Variants in CFAP61 observed in about 807,000 individuals in gnomAD.
The protein encoded by CFAP61 is cilia and flagella associated protein 61.
A neutral mutation model predicts 135.6 loss-of-function variants in CFAP61; 107 were observed. The observed-to-expected ratio is 0.79, with a 90% CI of 0.67 to 0.93. The LOEUF (loss-of-function observed/expected upper bound fraction) is 0.93. Among genes scored for constraint, CFAP61 ranks in the 40% least tolerant of loss-of-function variants. The probability of loss-of-function intolerance (pLI) is 0.00; values close to 1 mark genes in which losing one functional copy is unlikely to be tolerated. For synonymous variants in CFAP61, 575 were observed against 578.5 expected (o/e 0.99, Z 0.09); for missense variants, 1,507 against 1,556.2 (o/e 0.97, Z 0.53).
At chr20:20,155,419 G>T (rs2052813203) in intron 9 of CFAP61, among the ~76,000 whole-genome samples, 1 of 152,010 alleles carries the variant, frequency 6.6e-6, no homozygotes, top group Non-Finnish European at 1.5e-5. Flanking sequence ...TAAATAGATG[G>T]GACCTAATTA....
intron 8 of CFAP61, among the ~76,000 whole-genome samples, chr20:20,102,855 C>T (rs971605729): frequency 9.9e-5 from 15 of 152,126 alleles, no homozygotes; most frequent in Admixed American, 7.2e-4. Context: ...TCACACCAAC[C>T]TCAACCCTTT....
Position 20,111,635 on chromosome 20 carries a change from T to C in CFAP61, c.859+12821T>C, listed in dbSNP as rs184188003. The stretch of plus-strand genomic sequence containing the variant: ...CATTGAAACTATGCAAACAACTATA[T>C]TGCCATGAAAATGGGGACACTCAAT... On this transcript the variant is annotated intron_variant, in intron 8 of 26. Coordinates refer to ENST00000245957, the MANE Select transcript of CFAP61 (RefSeq NM_015585.4). Among the ~76,000 whole-genome samples the C allele has an allele frequency of 2.8e-3, 425 of 152,326 alleles. 1 individual carries two copies. The highest frequency in any genetic ancestry group is 9.7e-3 in the African/African-American group (405 of 41,582).
At chr20:20,313,753 G>A (rs1001281306) in intron 25 of CFAP61, among the ~76,000 whole-genome samples, 10 of 152,308 alleles carry the variant, frequency 6.6e-5, no homozygotes, top group South Asian at 6.2e-4. Flanking sequence ...TTGTAAAGAC[G>A]AGGTTTATTG....
chr20:20,087,640 T>C (rs1417091418), intron 6 of CFAP61, among the ~76,000 whole-genome samples: 1 of 152,214 alleles, frequency 6.6e-6, no homozygotes, highest in African/African-American at 2.4e-5. Flanking sequence ...TTCCACCCAC[T>C]GACTGTAGAA....
intron 21 of CFAP61, among the ~76,000 whole-genome samples, chr20:20,269,720 G>A (rs2053193959): frequency 6.6e-6 from 1 of 152,146 alleles, no homozygotes; most frequent in Admixed American, 6.5e-5. Context: ...ATCTGTGATT[G>A]CTACTTAAAA....
Position 20,164,118 on chromosome 20 carries a change from G to T in CFAP61, c.1095G>T (p.Leu365Phe). 2 of 1,613,958 alleles carry T rather than the reference G, an allele frequency of 1.2e-6. No homozygotes were observed. Among genetic ancestry groups the T allele is most frequent in the Non-Finnish European group, 1.7e-6 (2 of 1,179,872 alleles). Residue 365 changes from leucine to phenylalanine, a missense_variant, in exon 11 of 27, where the codon TTG becomes TTT. By Grantham distance (22) the Leu-to-Phe change is conservative. Coordinates refer to ENST00000245957, the MANE Select transcript of CFAP61 (RefSeq NM_015585.4). ...AQYHHVSSRS[L>F]ASLVLPEEPV... ...ATCACCATGTCAGCAGTAGGAGCTTGGCATCGCTCGTACTGCCTGAAGAGC... is the reference window on the plus strand; with the variant it reads ...ATCACCATGTCAGCAGTAGGAGCTTTGCATCGCTCGTACTGCCTGAAGAGC...
intron 6 of CFAP61, among the ~76,000 whole-genome samples, chr20:20,077,147 C>CA (rs1212312444): frequency 2.0e-5 from 3 of 151,970 alleles, no homozygotes; most frequent in African/African-American, 4.8e-5. Flanking sequence ...CTCCTCCGCC[C>CA]AAAAAAACCC....
At chr20:20,065,901 T>G (rs961260866) in intron 2 of CFAP61, among the ~76,000 whole-genome samples, 3 of 152,156 alleles carry the variant, frequency 2.0e-5, no homozygotes, top group East Asian at 3.8e-4. Context: ...GGTGATGGTG[T>G]TGTTAAATCA....
At chr20:20,351,916 A>G (rs966736180) in intron 26 of CFAP61, among the ~76,000 whole-genome samples, 1 of 152,182 alleles carries the variant, frequency 6.6e-6, no homozygotes, top group Non-Finnish European at 1.5e-5. Flanking sequence ...TGGAACCACA[A>G]AAGACCCACA....
At chr20:20,114,396 A>C (rs1353346882) in intron 8 of CFAP61, among the ~76,000 whole-genome samples, 1 of 152,176 alleles carries the variant, frequency 6.6e-6, no homozygotes, top group African/African-American at 2.4e-5. Context: ...CTAATCTCTG[A>C]ATGTGGTATA....
rs1317451702 is a variant in CFAP61 at position 20,294,138 on chromosome 20, A to T, written c.3216+3747A>T. Among the ~76,000 whole-genome samples the T allele has an allele frequency of 2.0e-5, 3 of 152,308 alleles. 1 individual carries two copies. The East Asian group carries it at 5.8e-4, about 29-fold the overall frequency. ...GAAGACACCAGATATACCCTACCAA[A>T]CCGGAAGGTTGCAAAATAATCGTCC... is the stretch of plus-strand genomic sequence containing the variant. On this transcript the variant is annotated intron_variant, in intron 24 of 26. Coordinates refer to ENST00000245957, the MANE Select transcript of CFAP61 (RefSeq NM_015585.4).
chr20:20,107,548 T>A (rs946261536), intron 8 of CFAP61: 1 of 152,162 alleles, frequency 6.6e-6, no homozygotes, highest in Non-Finnish European at 1.5e-5. Flanking sequence ...CATACAGTAG[T>A]GGAGATATAT....
rs2050930136 is a variant in CFAP61 at position 20,251,725 on chromosome 20, T to C, written c.2290T>C (p.Tyr764His). ...GCTTTCCACGGACGAGATCGTGCCC[T>C]ACGACCACCTCATCCTCTGCACCGG... ...VVLSTDEIVP[Y>H]DHLILCTGQQ... The change falls in exon 20 of 27, where the codon TAC (tyrosine) becomes CAC (histidine). Residue 764 changes from tyrosine to histidine, a missense_variant. Physicochemically the swap from Tyr to His is moderately conservative, Grantham distance 83 (BLOSUM62 2). Coordinates refer to ENST00000245957, the MANE Select transcript of CFAP61 (RefSeq NM_015585.4). 1 of 1,613,900 alleles carries C rather than the reference T, an allele frequency of 6.2e-7. No homozygotes were observed. The highest frequency in any genetic ancestry group is 1.3e-5 in the African/African-American group (1 of 74,926).
At chr20:20,166,768 C>G (rs1569047129) in intron 12 of CFAP61, among the ~76,000 whole-genome samples, 1 of 152,022 alleles carries the variant, frequency 6.6e-6, no homozygotes, top group Admixed American at 6.6e-5. Context: ...ATGTTGGCTC[C>G]AAGTATTCTG....
chr20:20,093,808 G>A (rs1022065046), intron 7 of CFAP61, among the ~76,000 whole-genome samples: 8 of 151,994 alleles, frequency 5.3e-5, no homozygotes, highest in Non-Finnish European at 1.0e-4. Flanking sequence ...CTGTTGCAGG[G>A]GTACACTCAG....
At chr20:20,162,418 G>A (rs1451111773) in intron 10 of CFAP61, among the ~76,000 whole-genome samples, 1 of 152,154 alleles carries the variant, frequency 6.6e-6, no homozygotes, top group Non-Finnish European at 1.5e-5. Context: ...ACAGGCCCAA[G>A]GAAAATGCCT....
chr20:20,193,616 T>A (rs975172733), intron 15 of CFAP61, among the ~76,000 whole-genome samples: 36 of 151,980 alleles, frequency 2.4e-4, no homozygotes, highest in South Asian at 1.2e-3. Flanking sequence ...TTATAATAAT[T>A]ATTATTATTA....
At chr20:20,320,430 A>AATATATATTATATATGTAATAT (rs535825776) in intron 25 of CFAP61, among the ~76,000 whole-genome samples, 1 of 4,070 alleles carries the variant, frequency 2.5e-4, no homozygotes, top group Non-Finnish European at 7.2e-4. Context: ...TTATATATGT[A>AATATATATTATATATGTAATAT]ATATAATATA....
intron 9 of CFAP61, among the ~76,000 whole-genome samples, chr20:20,144,366 A>AT (rs2051681698): frequency 6.6e-6 from 1 of 152,040 alleles, no homozygotes; most frequent in Non-Finnish European, 1.5e-5. Flanking sequence ...GAGAGACATA[A>AT]AAGATATAAA....
Sources: allele counts gnomAD v4.1 joint callset (sites outside exome capture counted in the v4.1 genomes callset), GRCh38; gene constraint gnomAD v4.1.1; transcripts MANE v1.5; gene names NCBI Gene and HGNC (gene_info 2026-07-23, HGNC 2026-07-21).